Variants in PRR5L observed in about 807,000 individuals in gnomAD.
The protein encoded by PRR5L is proline rich 5 like.
In PRR5L, 21 loss-of-function variants were observed where a neutral mutation model predicts 36.4. The observed-to-expected ratio is 0.58, with a 90% CI of 0.41 to 0.83. PRR5L has a LOEUF of 0.83. PRR5L is among the 40% of genes least tolerant of loss of function. PRR5L has a pLI of 0.00. For synonymous variants in PRR5L, 188 were observed against 197.0 expected (o/e 0.95, Z 0.38); for missense variants, 381 against 473.3 (o/e 0.80, Z 1.81).
At chr11:36,331,825 G>T (rs1017582185) in intron 1 of PRR5L, among the ~76,000 whole-genome samples, 2 of 152,196 alleles carry the variant, frequency 1.3e-5, no homozygotes, top group African/African-American at 2.4e-5. Context: ...GTGATTCAAA[G>T]AGGTGGTTAT....
intron 1 of PRR5L, among the ~76,000 whole-genome samples, chr11:36,310,857 C>A (rs1856494066): frequency 6.6e-6 from 1 of 151,884 alleles, no homozygotes; most frequent in Non-Finnish European, 1.5e-5. Context: ...ATTAGCTTGG[C>A]ATGGTGGCGT....
chr11:36,436,374 G>C (rs933811086), intron 5 of PRR5L, among the ~76,000 whole-genome samples: 3 of 152,172 alleles, frequency 2.0e-5, no homozygotes. Flanking sequence ...GCCAGGGCCC[G>C]TCTTTCCTGG....
chr11:36,459,395 G>A (rs1221950259), intron 8 of PRR5L, among the ~76,000 whole-genome samples: 1 of 152,202 alleles, frequency 6.6e-6, no homozygotes, highest in African/African-American at 2.4e-5. Flanking sequence ...GCTGCTGTCA[G>A]ATTTGCTTCC....
At chr11:36,327,031 T>C (rs1237612809) in intron 1 of PRR5L, among the ~76,000 whole-genome samples, 6 of 152,288 alleles carry the variant, frequency 3.9e-5, no homozygotes, top group South Asian at 2.1e-4. Context: ...GTTGGGGCCA[T>C]TGGACAAGCA....
intron 1 of PRR5L, among the ~76,000 whole-genome samples, chr11:36,329,994 T>A (rs1856702808): frequency 6.6e-6 from 1 of 152,234 alleles, no homozygotes; most frequent in African/African-American, 2.4e-5. Context: ...TCAAGGCACA[T>A]CAGTCTCAAA....
intron 1 of PRR5L, among the ~76,000 whole-genome samples, chr11:36,375,424 CACA>C (rs572978074): frequency 7.4e-4 from 112 of 152,084 alleles, no homozygotes; most frequent in African/African-American, 2.5e-3. Context: ...CTCTCATGCC[CACA>C]ACCACCGTAA....
intron 1 of PRR5L, among the ~76,000 whole-genome samples, chr11:36,365,209 C>G (rs532787991): frequency 1.3e-5 from 2 of 152,052 alleles, no homozygotes; most frequent in Admixed American, 1.3e-4. Flanking sequence ...AATGATCGTT[C>G]AAGTTTACTT....
intron 1 of PRR5L, among the ~76,000 whole-genome samples, chr11:36,338,224 G>A (rs971065056): frequency 2.6e-5 from 4 of 152,150 alleles, no homozygotes; most frequent in African/African-American, 9.7e-5. Flanking sequence ...TATCAACCCA[G>A]CTTTTCAGGT....
At chr11:36,435,160 G>A (rs1858579085) in intron 5 of PRR5L, among the ~76,000 whole-genome samples, 1 of 152,036 alleles carries the variant, frequency 6.6e-6, no homozygotes, top group Non-Finnish European at 1.5e-5. Context: ...AGGAACCAGG[G>A]TGACTCAGAT....
chr11:36,345,915 G>A (rs971786272), intron 1 of PRR5L, among the ~76,000 whole-genome samples: 6 of 152,162 alleles, frequency 3.9e-5, no homozygotes, highest in South Asian at 2.1e-4. Context: ...TCACGGGAGC[G>A]TGGCAACACC....
rs141071283 is a variant in PRR5L at position 36,403,367 on chromosome 11, C to T, written c.234C>T (p.Asn78=). The change falls in exon 3 of 9, where the codon AAC becomes AAT. Residue 78 remains asparagine (N), a synonymous_variant. Transcript: ENST00000530639. ...AAAGCAACGAGCTCTATGCCCTGAA[C>T]GAAAACATCAGGTATGTGGCAGGCC... The part of the protein sequence containing the change: ...GLQSNELYAL[N]ENIRRLLKSE... 6.7e-4 allele frequency: 1,088 copies of T among 1,613,644 alleles called. 4 individuals carry two copies. The African/African-American group carries it at 0.013, about 19-fold the overall frequency.
chr11:36,321,898 G>A (rs1856616944), intron 1 of PRR5L, among the ~76,000 whole-genome samples: 1 of 152,118 alleles, frequency 6.6e-6, no homozygotes, highest in Non-Finnish European at 1.5e-5. Flanking sequence ...AGGTGTCTGT[G>A]TCCTAATCTC....
chr11:36,433,825 G>A (rs537821415), intron 5 of PRR5L, among the ~76,000 whole-genome samples: 8 of 152,354 alleles, frequency 5.3e-5, no homozygotes, highest in African/African-American at 1.9e-4. Context: ...TTACAGGCAT[G>A]AGCCACTGTG....
chr11:36,399,354 T>G (rs550062448), intron 1 of PRR5L, among the ~76,000 whole-genome samples: 12 of 152,336 alleles, frequency 7.9e-5, no homozygotes, highest in Admixed American at 7.8e-4. Flanking sequence ...CTCTTCGTAT[T>G]ACAAGTTCCT....
intron 3 of PRR5L, among the ~76,000 whole-genome samples, chr11:36,405,573 T>C (rs1197707012): frequency 6.6e-6 from 1 of 152,062 alleles, no homozygotes; most frequent in Non-Finnish European, 1.5e-5. Flanking sequence ...AGTTGATAAA[T>C]GAGAAAATCA....
chr11:36,371,592 A>G (rs1032612598), intron 1 of PRR5L, among the ~76,000 whole-genome samples: 9 of 152,160 alleles, frequency 5.9e-5, no homozygotes, highest in African/African-American at 2.2e-4. Context: ...CCTTTTTTCC[A>G]TCTACAAAAG....
chr11:36,448,027 C>T (rs747342880), intron 7 of PRR5L, among the ~76,000 whole-genome samples: 15 of 152,094 alleles, frequency 9.9e-5, no homozygotes, highest in Non-Finnish European at 1.9e-4. Context: ...GAAGCGATTC[C>T]TTTGTGTTTT....
intron 3 of PRR5L, among the ~76,000 whole-genome samples, chr11:36,412,728 G>A (rs557117325): frequency 6.6e-6 from 1 of 152,060 alleles, no homozygotes; most frequent in African/African-American, 2.4e-5. Flanking sequence ...GGTGTCTAAT[G>A]CCTTGATATT....
intron 6 of PRR5L, among the ~76,000 whole-genome samples, chr11:36,443,006 C>T (rs1858755144): frequency 6.6e-6 from 1 of 152,150 alleles, no homozygotes. Flanking sequence ...CATTCTACTC[C>T]TTAGCACCAA....
Sources: gnomAD v4.1 joint callset for allele counts (sites outside exome capture counted in the v4.1 genomes callset) on GRCh38, gnomAD v4.1.1 for gene constraint, MANE v1.5 for transcripts, NCBI Gene and HGNC (gene_info 2026-07-23, HGNC 2026-07-21) for gene names.